The following GRM3 variants were observed in gnomAD, a reference collection of about 807,000 sequenced individuals.
GRM3 encodes the protein metabotropic glutamate receptor 3.
A neutral mutation model predicts 70.5 loss-of-function variants in GRM3; 26 were observed. That is an observed-to-expected ratio of 0.37 (90% CI 0.27 to 0.51). The LOEUF is 0.51. GRM3 is among the 20% of genes least tolerant of loss of function. The pLI, the probability that GRM3 is intolerant of heterozygous loss-of-function variation, is 0.93. For missense variants in GRM3, 859 were observed against 1,123.8 expected, an observed-to-expected ratio of 0.76 and a Z score of 3.37; for synonymous variants, 443 against 434.9, an observed-to-expected ratio of 1.02 and a Z score of -0.23.
At chr7:86,860,093 T>A (rs995509469) in intron 5 of GRM3, among the ~76,000 whole-genome samples, 2 of 152,104 alleles carry the variant, frequency 1.3e-5, no homozygotes, top group East Asian at 3.9e-4. Flanking sequence ...AAGCCAAAAA[T>A]AGGGCTACAT....
chr7:86,815,909 T>C (rs1000555953), intron 3 of GRM3, among the ~76,000 whole-genome samples: 5 of 151,906 alleles, frequency 3.3e-5, no homozygotes, highest in South Asian at 2.1e-4. Context: ...TTCAGTGTAG[T>C]AGAAAGATTC....
chr7:86,813,686 T>C (rs1188974200), intron 3 of GRM3, among the ~76,000 whole-genome samples: 2 of 151,744 alleles, frequency 1.3e-5, no homozygotes, highest in East Asian at 3.9e-4. Context: ...CTATTAATGT[T>C]CCAGATGTTA....
chr7:86,812,032 C>CA (rs1183551248), intron 3 of GRM3, among the ~76,000 whole-genome samples: 1 of 151,544 alleles, frequency 6.6e-6, no homozygotes, highest in East Asian at 1.9e-4. Context: ...TGATAAAGAA[C>CA]AAAAATTCTA....
intron 1 of GRM3, among the ~76,000 whole-genome samples, chr7:86,744,060 G>A (rs182302776): frequency 6.6e-6 from 1 of 152,104 alleles, no homozygotes; most frequent in African/African-American, 2.4e-5. Context: ...AGACCCTAAA[G>A]CAAATGGGCA....
chr7:86,856,148 G>A (rs1798841153), intron 5 of GRM3, among the ~76,000 whole-genome samples: 1 of 152,066 alleles, frequency 6.6e-6, no homozygotes, highest in African/African-American at 2.4e-5. Context: ...CCTTTAGAAA[G>A]TTCACAGAAA....
intron 1 of GRM3, among the ~76,000 whole-genome samples, chr7:86,708,732 A>T (rs983026077): frequency 6.6e-6 from 1 of 152,150 alleles, no homozygotes; most frequent in Non-Finnish European, 1.5e-5. Flanking sequence ...TTTCAAAGTA[A>T]TGAGGGCATA....
rs749456155 is a variant in GRM3 at position 86,785,685 on chromosome 7, A to ATTTTTTTTTTTTT, written c.469-555_469-543dup. Reference sequence around the variant, plus strand: ...TTGGGTGGTGGACTAAATAGAATTGATTTTTTTTTTTTTTTTTTTTTTTTT... The same window carrying ATTTTTTTTTTTTT: ...TTGGGTGGTGGACTAAATAGAATTGATTTTTTTTTTTTTTTTTTTTTTTTTTTTTTTTTTTTTT... On this transcript the variant is annotated intron_variant, in intron 2 of 5. Transcript: ENST00000361669. Among the ~76,000 whole-genome samples, 76 of 65,232 alleles carry ATTTTTTTTTTTTT rather than the reference A, an allele frequency of 1.2e-3. 13 individuals carry two copies. Among genetic ancestry groups the ATTTTTTTTTTTTT allele is most frequent in the Admixed American group, 2.8e-3 (12 of 4,230 alleles). 42.8% of individuals were successfully genotyped at this position (65,232 alleles called of 152,430 possible). A position where few individuals can be genotyped will look rare whatever the true frequency, so the allele number is the denominator to read the frequency against.
chr7:86,838,787 G>A (rs373668140), intron 3 of GRM3, 52 bp from the exon 4 acceptor site: 340 of 992,322 alleles, frequency 3.4e-4, no homozygotes, highest in African/African-American at 1.8e-3. Context: ...CTAATCACAC[G>A]TAAGACACCT....
intron 1 of GRM3, among the ~76,000 whole-genome samples, chr7:86,746,341 TTA>T (rs59930404): frequency 0.28 from 24,332 of 87,312 alleles, 2,829 homozygotes; most frequent in South Asian, 0.35. Flanking sequence ...CAGTCATGTA[TTA>T]TATATATATA....
chr7:86,859,564 A>C (rs911738631), intron 5 of GRM3, among the ~76,000 whole-genome samples: 7 of 152,142 alleles, frequency 4.6e-5, no homozygotes, highest in Non-Finnish European at 1.0e-4. Context: ...TCCTGGGAAA[A>C]AATTATTTGG....
intron 1 of GRM3, among the ~76,000 whole-genome samples, chr7:86,684,552 A>T (rs2237544): frequency 6.6e-6 from 1 of 152,030 alleles, no homozygotes; most frequent in Non-Finnish European, 1.5e-5. Flanking sequence ...GTAATCTTCC[A>T]TATCCTTAAT....
chr7:86,837,048 G>A (rs1251923425), intron 3 of GRM3, among the ~76,000 whole-genome samples: 2 of 152,090 alleles, frequency 1.3e-5, no homozygotes, highest in East Asian at 3.8e-4. Context: ...AGGAGGTGGA[G>A]GTTGGTAAAG....
intron 1 of GRM3, among the ~76,000 whole-genome samples, chr7:86,738,034 T>C (rs1795903878): frequency 6.6e-6 from 1 of 152,110 alleles, no homozygotes; most frequent in Non-Finnish European, 1.5e-5. Context: ...TTGGGGACAT[T>C]TTGTAGGCAG....
At chr7:86,801,024 A>T (rs1450556617) in intron 3 of GRM3, among the ~76,000 whole-genome samples, 3 of 151,170 alleles carry the variant, frequency 2.0e-5, no homozygotes, top group Non-Finnish European at 4.4e-5. Context: ...TTGGCTAGCA[A>T]CTAGTCTCAT....
rs1796372639 is a variant in GRM3, at chr7:86,757,496, T to G, written c.-140-7510T>G. Among the ~76,000 whole-genome samples the G allele has an allele frequency of 1.3e-5, 2 of 152,148 alleles. 1 individual carries two copies. The highest frequency in any genetic ancestry group is 4.1e-4 in the South Asian group (2 of 4,836). ...GTTTTAATAAAAAGCACAAAGTGCC[T>G]AGTTTGATCTCTGCACTCCGGCTGG... On this transcript the variant is annotated intron_variant, in intron 1 of 5. Transcript: ENST00000361669.
chr7:86,684,805 C>T (rs1342320719), intron 1 of GRM3, among the ~76,000 whole-genome samples: 1 of 152,134 alleles, frequency 6.6e-6, no homozygotes, highest in African/African-American at 2.4e-5. Flanking sequence ...GTCCAACAGC[C>T]GGATTTTAAA....
chr7:86,726,981 A>G (rs1189646992), intron 1 of GRM3, among the ~76,000 whole-genome samples: 1 of 152,182 alleles, frequency 6.6e-6, no homozygotes, highest in Non-Finnish European at 1.5e-5. Flanking sequence ...GGAATCAAAT[A>G]CAAGTAATAA....
At chr7:86,746,139 T>C (rs1016482878) in intron 1 of GRM3, among the ~76,000 whole-genome samples, 2 of 151,772 alleles carry the variant, frequency 1.3e-5, no homozygotes, top group Non-Finnish European at 2.9e-5. Context: ...AGTATTAACT[T>C]CCTAAGTAGA....
chr7:86,723,642 A>C (rs1006253296), intron 1 of GRM3, among the ~76,000 whole-genome samples: 3 of 152,218 alleles, frequency 2.0e-5, no homozygotes, highest in South Asian at 4.1e-4. Context: ...GAGACTATTC[A>C]GTGGCTGAGG....
Sources: allele counts gnomAD v4.1 joint callset (sites outside exome capture counted in the v4.1 genomes callset), GRCh38; gene constraint gnomAD v4.1.1; transcripts MANE v1.5; gene names NCBI Gene and HGNC (gene_info 2026-07-23, HGNC 2026-07-21).